The following PTGER3 variants were observed in gnomAD, a reference collection of about 807,000 sequenced individuals.
The protein encoded by PTGER3 is prostaglandin E receptor 3.
A neutral mutation model predicts 34.7 loss-of-function variants in PTGER3; 22 were observed. The observed-to-expected ratio is 0.63, with a 90% CI of 0.45 to 0.91. The LOEUF (loss-of-function observed/expected upper bound fraction) is 0.91, where lower values mean the gene tolerates loss of function less well. Among genes scored for constraint, PTGER3 ranks in the 40% least tolerant of loss-of-function variants. PTGER3 has a pLI of 0.00. For synonymous variants in PTGER3, 241 were observed against 230.1 expected (o/e 1.05, Z -0.43); for missense variants, 468 against 519.4 (o/e 0.90, Z 0.96).
intron 1 of PTGER3, among the ~76,000 whole-genome samples, chr1:71,030,619 CA>C (rs1216396169): frequency 6.6e-6 from 1 of 152,122 alleles, no homozygotes; most frequent in Non-Finnish European, 1.5e-5. Context: ...CACACCTTTA[CA>C]AAAAACACTT....
chr1:70,985,656 T>C (rs548751837), intron 2 of PTGER3, among the ~76,000 whole-genome samples: 28 of 152,318 alleles, frequency 1.8e-4, no homozygotes, highest in African/African-American at 6.7e-4. Context: ...TCCTCCTCCC[T>C]GCTCTTTCTA....
Position 70,913,536 on chromosome 1 carries a change from G to A in PTGER3, c.*23+40227C>T, listed in dbSNP as rs906598888. On this transcript the variant is annotated intron_variant, in intron 4 of 4. Coordinates refer to the PTGER3 transcript ENST00000370931. ...GAATCTCCAGTAAATGCAGACTGAA[G>A]GAGACAGCTTTGCCTCATTCTCAGT... is the stretch of plus-strand genomic sequence containing the variant. 3.3e-5 allele frequency among the ~76,000 whole-genome samples: 5 copies of A among 151,850 alleles called. No homozygotes were observed. The East Asian group carries it at 9.6e-4, about 29-fold the overall frequency.
At chr1:70,899,985 A>T (rs1487207866) in intron 4 of PTGER3, among the ~76,000 whole-genome samples, 1 of 152,076 alleles carries the variant, frequency 6.6e-6, no homozygotes, top group Non-Finnish European at 1.5e-5. Flanking sequence ...GCAACCTGTG[A>T]GTTATAAGGA....
chr1:70,981,668 C>T (rs1001828752), intron 2 of PTGER3, among the ~76,000 whole-genome samples: 1 of 152,114 alleles, frequency 6.6e-6, no homozygotes, highest in Admixed American at 6.6e-5. Context: ...CTCAACCTCC[C>T]AAAGTGTTGG....
At chr1:70,969,786 C>G (rs1232911297), downstream of PTGER3, among the ~76,000 whole-genome samples, 1 of 151,970 alleles carries the variant, frequency 6.6e-6, no homozygotes, top group East Asian at 1.9e-4. Context: ...AGTCAAGAAG[C>G]CGGTTTATAG....
intron 2 of PTGER3, among the ~76,000 whole-genome samples, chr1:70,990,889 G>T (rs1046144486): frequency 3.9e-5 from 6 of 152,134 alleles, no homozygotes; most frequent in African/African-American, 1.4e-4. Flanking sequence ...ACCTGGAGCA[G>T]AATGAAAAAT....
intron 2 of PTGER3, among the ~76,000 whole-genome samples, chr1:71,000,723 A>C (rs573450653): frequency 2.0e-5 from 3 of 152,296 alleles, no homozygotes; most frequent in Admixed American, 6.5e-5. Flanking sequence ...AGATTTAGCC[A>C]CTGTTCCAAA....
intron 4 of PTGER3, among the ~76,000 whole-genome samples, chr1:70,913,497 C>T (rs7539384): frequency 0.6 from 91,485 of 151,600 alleles, 28,021 homozygotes; most frequent in East Asian, 0.78. Flanking sequence ...ATTCTTGCCT[C>T]ATTATCCTGA....
Position 71,047,293 on chromosome 1 carries a change from C to A in PTGER3, c.285G>T (p.Leu95=). Residue 95 remains leucine (L), a synonymous_variant, in exon 1 of 4, where the codon CTG becomes CTT. Transcript: ENST00000306666. ...GCTGCCCGACCAGGTCGGTGAGCGCCAGCCAGCCGATGCACAGCAGGAAGG... is the reference window on the plus strand; with the variant it reads ...GCTGCCCGACCAGGTCGGTGAGCGCAAGCCAGCCGATGCACAGCAGGAAGG... The part of the protein sequence containing the change: ...KKSFLLCIGW[L]ALTDLVGQLL... The A allele has an allele frequency of 6.2e-7, 1 of 1,600,334 alleles. No homozygotes were observed. Among genetic ancestry groups the A allele is most frequent in the Non-Finnish European group, 8.5e-7 (1 of 1,174,498 alleles).
intron 2 of PTGER3, among the ~76,000 whole-genome samples, chr1:70,988,263 G>C (rs2100757349): frequency 6.6e-6 from 1 of 152,242 alleles, no homozygotes; most frequent in African/African-American, 2.4e-5. Flanking sequence ...CCCATAGGAA[G>C]TTTTAAAAGT....
intron 4 of PTGER3, among the ~76,000 whole-genome samples, chr1:70,878,764 T>C (rs963932484): frequency 6.6e-6 from 1 of 152,230 alleles, no homozygotes; most frequent in African/African-American, 2.4e-5. Flanking sequence ...TTAATTTCCA[T>C]ACAATTGTAT....
chr1:71,005,309 G>T (rs976981420), intron 2 of PTGER3, among the ~76,000 whole-genome samples: 1 of 152,160 alleles, frequency 6.6e-6, no homozygotes, highest in Admixed American at 6.5e-5. Flanking sequence ...CTAAAGTTTA[G>T]TCCATTTGAC....
intron 1 of PTGER3, among the ~76,000 whole-genome samples, chr1:71,018,885 C>G (rs1323053162): frequency 6.6e-6 from 1 of 152,048 alleles, no homozygotes; most frequent in Non-Finnish European, 1.5e-5. Flanking sequence ...ATAAAATCAG[C>G]CAGTAGCTGG....
chr1:71,022,084 C>T (rs148259764), intron 1 of PTGER3, among the ~76,000 whole-genome samples: 2 of 151,928 alleles, frequency 1.3e-5, no homozygotes, highest in African/African-American at 4.8e-5. Context: ...ATGGCAATAT[C>T]TATTTTCTTC....
intron 2 of PTGER3, chr1:71,006,131 A>G (rs1178866961): frequency 2.1e-6 from 2 of 963,968 alleles, no homozygotes; most frequent in Non-Finnish European, 2.5e-6. Context: ...TTATCTAGCT[A>G]TGATTTTTGT....
chr1:70,944,104 ATCAC>A (rs1165197402), intron 4 of PTGER3, among the ~76,000 whole-genome samples: 5 of 152,118 alleles, frequency 3.3e-5, no homozygotes, highest in Non-Finnish European at 7.4e-5. Flanking sequence ...GTAATTTTTA[ATCAC>A]TCAAGTCATT....
intron 1 of PTGER3, 23 bp from the exon 2 acceptor site, chr1:71,012,507 TG>T: frequency 6.3e-7 from 1 of 1,598,434 alleles, no homozygotes; most frequent in African/African-American, 1.3e-5. Flanking sequence ...GACAAATAAT[TG>T]TTTCAAAGAT....
intron 4 of PTGER3, among the ~76,000 whole-genome samples, chr1:70,894,591 T>C (rs1646687417): frequency 1.3e-5 from 2 of 152,182 alleles, no homozygotes; most frequent in South Asian, 4.1e-4. Flanking sequence ...ATTATTGAAC[T>C]CCTGGAAGAA....
At chr1:70,964,407 G>T (rs1432564009) in intron 2 of PTGER3, among the ~76,000 whole-genome samples, 2 of 152,294 alleles carry the variant, frequency 1.3e-5, no homozygotes, top group East Asian at 1.9e-4. Context: ...AAGGAAAGAG[G>T]TTCAATTGAC....
Sources: allele counts gnomAD v4.1 joint callset (sites outside exome capture counted in the v4.1 genomes callset), GRCh38; gene constraint gnomAD v4.1.1; transcripts MANE v1.5; gene names NCBI Gene and HGNC (gene_info 2026-07-23, HGNC 2026-07-21).